RGS8: variants seen among roughly 807,000 people sequenced by gnomAD.
The protein encoded by RGS8 is regulator of G-protein signaling 8.
RGS8 carries 8 observed loss-of-function variants against 21.7 expected under a neutral mutation model. The ratio of observed to expected loss-of-function variants is 0.37; its 90% CI spans 0.22 to 0.66. The LOEUF is 0.66. Ranked by LOEUF, RGS8 falls within the 30% of genes least tolerant of loss-of-function variation. The probability of loss-of-function intolerance (pLI) is 0.59; values close to 1 mark genes in which losing one functional copy is unlikely to be tolerated. For synonymous variants in RGS8, 80 were observed against 83.6 expected (o/e 0.96, Z 0.24); for missense variants, 157 against 217.9 (o/e 0.72, Z 1.76).
At chr1:182,677,457 C>T (rs995345595), upstream of RGS8, among the ~76,000 whole-genome samples, 3 of 152,146 alleles carry the variant, frequency 2.0e-5, no homozygotes, top group Non-Finnish European at 4.4e-5. Flanking sequence ...TAGAGGATTA[C>T]TTAGATGTCT....
the RGS8 span, among the ~76,000 whole-genome samples, chr1:182,695,512 G>T: frequency 1.6e-3 from 236 of 152,082 alleles, no homozygotes; most frequent in Non-Finnish European, 2.0e-3. Context: ...TTAAGAGGTA[G>T]GGTCTTCCTA....
intron 2 of RGS8, 107 bp from the exon 4 acceptor site, chr1:182,669,859 C>A (rs1224536532): frequency 8.2e-7 from 1 of 1,220,182 alleles, no homozygotes; most frequent in Non-Finnish European, 1.1e-6. Flanking sequence ...CCACACACAT[C>A]CCCCCAGCCC....
At chr1:182,672,047 T>A (rs1664191301), upstream of RGS8, 2 of 509,960 alleles carry the variant, frequency 3.9e-6, no homozygotes, top group Non-Finnish European at 6.0e-6. Flanking sequence ...CTGAAGCTCC[T>A]CTGGCTGCAG....
upstream of RGS8, among the ~76,000 whole-genome samples, chr1:182,677,826 C>T (rs904880130): frequency 1.3e-5 from 2 of 152,176 alleles, no homozygotes; most frequent in Admixed American, 6.5e-5. Context: ...TGCGATTCTT[C>T]CTTAGGTCTC....
At chr1:182,686,865 G>T (rs539868289), upstream of RGS8, among the ~76,000 whole-genome samples, 1 of 152,134 alleles carries the variant, frequency 6.6e-6, no homozygotes, top group Non-Finnish European at 1.5e-5. Context: ...GAGGAGCAGA[G>T]AAAGAGGAGC....
At chr1:182,698,594 A>G in the RGS8 span, among the ~76,000 whole-genome samples, 1 of 152,224 alleles carries the variant, frequency 6.6e-6, no homozygotes, top group African/African-American at 2.4e-5. Flanking sequence ...AGCAACCTTA[A>G]GTCCCTCTCT....
intron 5 of RGS8, among the ~76,000 whole-genome samples, chr1:182,657,214 C>G (rs1016828224): frequency 6.6e-6 from 1 of 152,014 alleles, no homozygotes; most frequent in Non-Finnish European, 1.5e-5. Context: ...CCCTTCCATC[C>G]ACCTCCCACC....
chr1:182,674,722 A>C (rs1250710290), upstream of RGS8, among the ~76,000 whole-genome samples: 1 of 152,180 alleles, frequency 6.6e-6, no homozygotes, highest in African/African-American at 2.4e-5. Context: ...GGAATTCATC[A>C]CCTTGGACTC....
chr1:182,724,060 G>A, the RGS8 span, among the ~76,000 whole-genome samples: 54 of 151,154 alleles, frequency 3.6e-4, no homozygotes, highest in Non-Finnish European at 6.2e-4. Flanking sequence ...TGAGGGTGTC[G>A]GCAAAGGAGA....
chr1:182,646,642 C>A (rs1662713828), exon 7 of RGS8: 1 of 1,260,836 alleles, frequency 7.9e-7, no homozygotes, highest in Non-Finnish European at 1.1e-6. Context: ...AATGCCACCG[C>A]TTTTGAACAC....
the RGS8 span, among the ~76,000 whole-genome samples, chr1:182,722,233 A>G: frequency 6.8e-6 from 1 of 146,324 alleles, no homozygotes; most frequent in East Asian, 2.0e-4. Context: ...TTTTTTTTCC[A>G]CATATGTAGT....
chr1:182,723,297 G>C, the RGS8 span, among the ~76,000 whole-genome samples: 1 of 152,164 alleles, frequency 6.6e-6, no homozygotes, highest in Non-Finnish European at 1.5e-5. Context: ...CCATCAGTGA[G>C]GGCTGCAGTC....
At chr1:182,691,683 C>A in the RGS8 span, among the ~76,000 whole-genome samples, 1 of 141,366 alleles carries the variant, frequency 7.1e-6, no homozygotes, top group Non-Finnish European at 1.5e-5. Flanking sequence ...ATAATAAGAG[C>A]TATCTATTTC....
intron 5 of RGS8, among the ~76,000 whole-genome samples, chr1:182,653,088 T>C (rs1000082795): frequency 1.3e-5 from 2 of 152,186 alleles, no homozygotes; most frequent in Non-Finnish European, 2.9e-5. Flanking sequence ...TTTGCAGCAC[T>C]ACAAAAGACC....
At chr1:182,691,867 G>C in the RGS8 span, among the ~76,000 whole-genome samples, 1 of 152,096 alleles carries the variant, frequency 6.6e-6, no homozygotes, top group Non-Finnish European at 1.5e-5. Flanking sequence ...TAGAAATAGA[G>C]AATATCTCTC....
chr1:182,743,249 G>T, the RGS8 span, among the ~76,000 whole-genome samples: 1 of 152,196 alleles, frequency 6.6e-6, no homozygotes, highest in Admixed American at 6.5e-5. Context: ...GAATGAACAT[G>T]TATTGAGCCT....
the RGS8 span, among the ~76,000 whole-genome samples, chr1:182,701,086 G>A: frequency 6.6e-6 from 1 of 152,158 alleles, no homozygotes; most frequent in East Asian, 1.9e-4. Context: ...TGACATTTAG[G>A]TCCTCTTCTT....
At chr1:182,644,664 C>A (rs1038624073), downstream of RGS8, 7 of 152,230 alleles carry the variant, frequency 4.6e-5, no homozygotes, top group Non-Finnish European at 8.8e-5. Flanking sequence ...ATTTCTATAA[C>A]TCTGTGCAGT....
Position 182,655,039 on chromosome 1 carries a change from GA to G in RGS8, c.194-6737del, listed in dbSNP as rs1557886318. On this transcript the variant is annotated intron_variant, in intron 5 of 6. Coordinates refer to ENST00000483095, the Ensembl canonical transcript of RGS8. ...CCCAGCACCGCACCTAGTGGTTTAT[GA>G]ATCTTATGGTACTGGCTTCTCATGG... 4.6e-5 allele frequency among the ~76,000 whole-genome samples: 7 copies of G among 152,230 alleles called. No individual in the cohort carries two copies. In the South Asian group the frequency reaches 1.4e-3, roughly 31 times the overall value.
Sources: allele counts gnomAD v4.1 joint callset (sites outside exome capture counted in the v4.1 genomes callset), GRCh38; gene constraint gnomAD v4.1.1; transcripts MANE v1.5; gene names NCBI Gene and HGNC (gene_info 2026-07-23, HGNC 2026-07-21).